SACS: variants seen among roughly 807,000 people sequenced by gnomAD.
SACS encodes sacsin.
SACS carries 197 observed loss-of-function variants against 348.0 expected under a neutral mutation model. The observed-to-expected ratio is 0.57, with a 90% CI of 0.50 to 0.64. SACS has a LOEUF of 0.64. Ranked by LOEUF, SACS falls within the 30% of genes least tolerant of loss-of-function variation. The pLI, the probability that SACS is intolerant of heterozygous loss-of-function variation, is 0.00. For missense variants in SACS, 4,999 were observed against 5,360.8 expected (o/e 0.93, Z 2.11); for synonymous variants, 1,985 against 1,910.6 (o/e 1.04, Z -1.02).
At chr13:23,415,808 T>C (rs181556396) in intron 1 of SACS, among the ~76,000 whole-genome samples, 119 of 152,304 alleles carry the variant, frequency 7.8e-4, no homozygotes, top group African/African-American at 2.7e-3. Context: ...ATAAAATGAA[T>C]ACAAAATGAC....
chr13:23,388,333 C>CAAA (rs370915261), intron 2 of SACS, among the ~76,000 whole-genome samples: 21 of 71,312 alleles, frequency 2.9e-4, no homozygotes, highest in Non-Finnish European at 4.3e-4. Context: ...GACTTTGTCT[C>CAAA]AAAAAAAAAA....
At chr13:23,370,059 T>C (rs1415171479) in intron 4 of SACS, among the ~76,000 whole-genome samples, 9 of 150,348 alleles carry the variant, frequency 6.0e-5, no homozygotes, top group South Asian at 4.2e-4. Flanking sequence ...AGGGTTTCAC[T>C]GTGTTAGCCA....
chr13:23,385,360 C>CTT (rs1056155230), intron 2 of SACS, among the ~76,000 whole-genome samples: 9 of 138,338 alleles, frequency 6.5e-5, no homozygotes, highest in African/African-American at 1.3e-4. Flanking sequence ...CATGGATGTT[C>CTT]TTTTTTTTTT....
At position 23,340,197 on chromosome 13, in the gene SACS, G is replaced by A; in HGVS notation, c.3679C>T (p.His1227Tyr). The A allele has an allele frequency of 2.5e-6, 4 of 1,611,866 alleles. No homozygotes were observed. Among genetic ancestry groups the A allele is most frequent in the Non-Finnish European group, 3.4e-6 (4 of 1,178,720 alleles). The change falls in exon 10 of 10, where the codon CAC becomes TAC. Residue 1227 changes from histidine to tyrosine, a missense_variant. Transcript: ENST00000382292. ...TACCAATCAACAACAATTTTAAAGTGTTTTAAGACAGCACTAAGGCTAGGT... is the reference window on the plus strand; with the variant it reads ...TACCAATCAACAACAATTTTAAAGTATTTTAAGACAGCACTAAGGCTAGGT... The part of the protein sequence containing the change: ...TKPSLSAVLK[H>Y]FKIVVDWYSS...
At position 23,373,228 on chromosome 13, in the gene SACS, C is replaced by A. The variant is rs76428371; in HGVS notation, c.171+1891G>T. 9.8e-5 allele frequency among the ~76,000 whole-genome samples: 15 copies of A among 152,294 alleles called. No individual in the cohort carries two copies. The East Asian group carries it at 2.9e-3, about 29-fold the overall frequency. ...GGCATAGAGAAAGGAGTAAGAATGACAAACTGCTCCTTCACAAGTCTGCCT... is the reference window on the plus strand; with the variant it reads ...GGCATAGAGAAAGGAGTAAGAATGAAAAACTGCTCCTTCACAAGTCTGCCT... On this transcript the variant is annotated intron_variant, in intron 3 of 9. Coordinates refer to ENST00000382292, the MANE Select transcript of SACS (RefSeq NM_014363.6).
chr13:23,365,289 AT>A lies in SACS; in HGVS notation c.346-13del, dbSNP rs1478770061. 4 of 1,460,136 alleles carry A rather than the reference AT, an allele frequency of 2.7e-6. No individual in the cohort carries two copies. The highest frequency in any genetic ancestry group is 3.8e-6 in the Non-Finnish European group (4 of 1,053,822). 90.4% of individuals were successfully genotyped at this position (1,460,136 alleles called of 1,614,324 possible). A position where few individuals can be genotyped will look rare whatever the true frequency, so the allele number is the denominator to read the frequency against. On this transcript the variant is annotated splice_polypyrimidine_tract_variant and intron_variant, in intron 5 of 9. Coordinates refer to ENST00000382292, the MANE Select transcript of SACS (RefSeq NM_014363.6). ...TTCTGAATTAATTCCTAACCAAAAA[AT>A]ATACCAAAAAATAGTAATTAATAAC...
intron 2 of SACS, among the ~76,000 whole-genome samples, chr13:23,396,574 T>A (rs566052123): frequency 6.6e-6 from 1 of 152,268 alleles, no homozygotes. Context: ...ATTATAAATT[T>A]AACCTAAGAA....
Position 23,336,713 on chromosome 13 carries a change from G to A in SACS, c.7163C>T (p.Thr2388Ile), listed in dbSNP as rs775621526. ...AGTGCATGACTGCCTCACACCCACG[G>A]TTTCAAAAAGTTCGCGGAAATTATT... is the stretch of plus-strand genomic sequence containing the variant. Reference protein sequence around the residue: ...YKNNFRELFETVGVRQSCTVE... With the variant: ...YKNNFRELFEIVGVRQSCTVE... The change falls in exon 10 of 10, where the codon ACC becomes ATC. Residue 2388 changes from threonine (T) to isoleucine (I), a missense_variant. Physicochemically the swap from Thr to Ile is moderately conservative, Grantham distance 89. Around this residue, in one of 6 missense-constraint regions of SACS, gnomAD observed 3,156 missense variants for 3,380.1 expected, o/e 0.93. Transcript: ENST00000382292. 71 of 1,613,646 alleles carry A rather than the reference G, an allele frequency of 4.4e-5. No individual in the cohort carries two copies. Among genetic ancestry groups the A allele is most frequent in the Non-Finnish European group, 5.5e-5 (65 of 1,179,866 alleles).
chr13:23,391,898 A>G (rs1872539230), intron 2 of SACS, among the ~76,000 whole-genome samples: 1 of 152,146 alleles, frequency 6.6e-6, no homozygotes, highest in East Asian at 1.9e-4. Context: ...GAGTTCCTTC[A>G]TGTGCACATG....
intron 2 of SACS, among the ~76,000 whole-genome samples, chr13:23,380,987 T>A (rs1455700097): frequency 6.6e-6 from 1 of 152,186 alleles, no homozygotes; most frequent in Admixed American, 6.5e-5. Context: ...TATCACCAAA[T>A]AGGTGTAGAA....
chr13:23,345,992 C>T (rs1869574672), intron 9 of SACS, among the ~76,000 whole-genome samples: 1 of 152,140 alleles, frequency 6.6e-6, no homozygotes, highest in Non-Finnish European at 1.5e-5. Context: ...CTAGGCTGGC[C>T]ACCTTCCCTT....
chr13:23,367,572 G>T (rs1328743231), intron 5 of SACS, among the ~76,000 whole-genome samples: 1 of 152,030 alleles, frequency 6.6e-6, no homozygotes, highest in Non-Finnish European at 1.5e-5. Flanking sequence ...ATGATTATTG[G>T]TTTTTCTTTT....
chr13:23,332,600 G>A lies in SACS; in HGVS notation c.11276C>T (p.Thr3759Met), dbSNP rs751176093. Residue 3759 changes from threonine to methionine, a missense_variant, in exon 10 of 10, where the codon ACG (threonine) becomes ATG (methionine). Physicochemically the swap from Thr to Met is moderately conservative, Grantham distance 81. Around this residue, in one of 6 missense-constraint regions of SACS, gnomAD observed 831 missense variants for 941.8 expected, o/e 0.88. Transcript: ENST00000382292. ...INNCRNICNI[T>M]TLDEEMVKTR... is the part of the protein sequence containing the mutation. The stretch of plus-strand genomic sequence containing the variant: ...TTTTACCATTTCTTCATCCAACGTC[G>A]TTATGTTGCATATGTTTCTGCAGTT... 3.5e-5 allele frequency: 56 copies of A among 1,613,420 alleles called. No individual in the cohort carries two copies. The highest frequency in any genetic ancestry group is 3.8e-5 in the Non-Finnish European group (45 of 1,179,882).
At chr13:23,375,836 A>G (rs938890072) in intron 2 of SACS, among the ~76,000 whole-genome samples, 8 of 152,166 alleles carry the variant, frequency 5.3e-5, no homozygotes, top group African/African-American at 1.7e-4. Flanking sequence ...AAGGGTATAC[A>G]GAGCGTACAG....
At chr13:23,415,794 A>T (rs1031504068) in intron 1 of SACS, among the ~76,000 whole-genome samples, 1 of 152,214 alleles carries the variant, frequency 6.6e-6, no homozygotes, top group Non-Finnish European at 1.5e-5. Flanking sequence ...AACTTTAAAG[A>T]TAAATAAAAT....
At position 23,331,213 on chromosome 13, in the gene SACS, T is replaced by G. The variant is rs200308860; in HGVS notation, c.12663A>C (p.Leu4221=). Residue 4221 remains leucine (L), a synonymous_variant, in exon 10 of 10, where the codon CTA becomes CTC. Coordinates refer to ENST00000382292, the MANE Select transcript of SACS (RefSeq NM_014363.6). The part of the protein sequence containing the change: ...EREDADNSSF[L]GKIYQIDIGY... ...CAATATCTATCTGATATATCTTTCCTAGAAAACTAGAATTGTCAGCATCTT... is the reference window on the plus strand; with the variant it reads ...CAATATCTATCTGATATATCTTTCCGAGAAAACTAGAATTGTCAGCATCTT... 3 of 1,613,790 alleles carry G rather than the reference T, an allele frequency of 1.9e-6. No individual in the cohort carries two copies. The highest frequency in any genetic ancestry group is 1.1e-5 in the South Asian group (1 of 91,074).
At position 23,382,390 on chromosome 13, in the gene SACS, A is replaced by T. The variant is rs73154626; in HGVS notation, c.21-7121T>A. Among the ~76,000 whole-genome samples, 466 of 152,290 alleles carry T rather than the reference A, an allele frequency of 3.1e-3. 3 individuals are homozygous for T. Among genetic ancestry groups the T allele is most frequent in the Admixed American group, 6.3e-3 (97 of 15,300 alleles). ...ATCCATAAAAAGCAAAATGGATTTT[A>T]TATGATTACAATTGAATTGAAGCTT... On this transcript the variant is annotated intron_variant, in intron 2 of 9. Coordinates refer to ENST00000382292, the MANE Select transcript of SACS (RefSeq NM_014363.6).
At position 23,368,416 on chromosome 13, in the gene SACS, C is replaced by T; in HGVS notation, c.331G>A (p.Gly111Arg). ...ATGTGCCCCACCTTAAGAATCTGTC[C>T]TCCTTCTGGATATCTTCTCAAAATG... The part of the protein sequence containing the change: ...KDILRRYPEG[G>R]QILKELIQNA... The change falls in exon 5 of 10, where the codon GGA (glycine) becomes AGA (arginine). Residue 111 changes from glycine (G) to arginine (R), a missense_variant. Physicochemically the swap from Gly to Arg is moderately radical, Grantham distance 125. Around this residue, in one of 6 missense-constraint regions of SACS, gnomAD observed 3,156 missense variants for 3,380.1 expected, o/e 0.93. Transcript: ENST00000382292. The T allele has an allele frequency of 6.2e-7, 1 of 1,611,452 alleles. No homozygotes were observed.
At chr13:23,421,116 G>C (rs1024584727) in intron 1 of SACS, among the ~76,000 whole-genome samples, 1 of 151,936 alleles carries the variant, frequency 6.6e-6, no homozygotes, top group Non-Finnish European at 1.5e-5. Context: ...TGTTCCTCTG[G>C]GGCCTTGTGT....
Sources: allele counts gnomAD v4.1 joint callset (sites outside exome capture counted in the v4.1 genomes callset), GRCh38; gene constraint gnomAD v4.1.1; regional missense constraint gnomAD v4.1.1; transcripts MANE v1.5; gene names NCBI Gene and HGNC (gene_info 2026-07-23, HGNC 2026-07-21).